The following PRSS12 variants were observed in gnomAD, a reference collection of about 807,000 sequenced individuals.
The protein encoded by PRSS12 is neurotrypsin.
A neutral mutation model predicts 104.4 loss-of-function variants in PRSS12; 85 were observed. The observed-to-expected ratio is 0.81, with a 90% CI of 0.68 to 0.98. The LOEUF is 0.98. PRSS12 is among the 50% of genes least tolerant of loss of function. PRSS12 has a pLI of 0.00. For missense variants in PRSS12, 1,141 were observed against 1,139.2 expected, an observed-to-expected ratio of 1.00 and a Z score of -0.02; for synonymous variants, 454 against 425.2, an observed-to-expected ratio of 1.07 and a Z score of -0.83.
intron 2 of PRSS12, among the ~76,000 whole-genome samples, chr4:118,336,661 T>C (rs1043487288): frequency 6.6e-6 from 1 of 152,218 alleles, no homozygotes; most frequent in Admixed American, 6.5e-5. Context: ...CATACTTTCA[T>C]CAATCAAAAG....
Position 118,293,595 on chromosome 4 carries a change from CAAAT to C in PRSS12, c.2039+1340_2039+1343del, listed in dbSNP as rs373454807. 7.2e-5 allele frequency among the ~76,000 whole-genome samples: 11 copies of C among 152,134 alleles called. No individual in the cohort carries two copies. In the East Asian group the frequency reaches 2.1e-3, roughly 29 times the overall value. ...ATTTAAAAAATCAATTACAAATAGA[CAAAT>C]AGCCCAATACAAAAACAGGCAAAGT... On this transcript the variant is annotated intron_variant, in intron 11 of 12. Transcript: ENST00000296498.
intron 1 of PRSS12, 108 bp downstream of exon 1, chr4:118,352,111 C>T: frequency 6.7e-7 from 1 of 1,493,840 alleles, no homozygotes; most frequent in Non-Finnish European, 9.0e-7. Context: ...CGCAAGCCCA[C>T]AACCCCACAC....
intron 5 of PRSS12, among the ~76,000 whole-genome samples, chr4:118,316,825 G>GAAAAAAAA (rs1553956358): frequency 1.9e-4 from 17 of 91,534 alleles, no homozygotes; most frequent in African/African-American, 5.9e-4. Flanking sequence ...CCGTCTCACG[G>GAAAAAAAA]AAAAAAAAAA....
chr4:118,330,765 G>A (rs2126040112), intron 4 of PRSS12, among the ~76,000 whole-genome samples: 1 of 152,190 alleles, frequency 6.6e-6, no homozygotes, highest in East Asian at 1.9e-4. Context: ...GCATGCTGAA[G>A]TGTTTATAGA....
chr4:118,286,191 C>G (rs563875869), intron 11 of PRSS12, among the ~76,000 whole-genome samples: 3 of 152,276 alleles, frequency 2.0e-5, no homozygotes, highest in Admixed American at 1.3e-4. Context: ...GATAATATAA[C>G]TCCTTCTGAG....
At chr4:118,283,876 T>C (rs1252558225) in intron 11 of PRSS12, among the ~76,000 whole-genome samples, 1 of 152,206 alleles carries the variant, frequency 6.6e-6, no homozygotes, top group South Asian at 2.1e-4. Context: ...AGAGATATCT[T>C]TGTTGTGTTC....
chr4:118,304,327 G>A (rs1171147151), intron 8 of PRSS12, among the ~76,000 whole-genome samples: 2 of 151,692 alleles, frequency 1.3e-5, no homozygotes, highest in African/African-American at 4.8e-5. Flanking sequence ...AGTATTTTTT[G>A]TTCATGTATT....
In PRSS12 at chr4:118,282,094, C is replaced by G; in HGVS notation, c.2470G>C (p.Asp824His). The change falls in exon 13 of 13, where the codon GAC becomes CAC. Residue 824 changes from aspartate to histidine, a missense_variant. Coordinates refer to ENST00000296498, the MANE Select transcript of PRSS12 (RefSeq NM_003619.4). The stretch of plus-strand genomic sequence containing the variant: ...TCACACATGAGTGGTCCTCCGCTGT[C>G]TCCCTGGCAGCTGTCCACGCGTTTG... ...EHKRVDSCQG[D>H]SGGPLMCERP... 1 of 1,614,228 alleles carries G rather than the reference C, an allele frequency of 6.2e-7. No homozygotes were observed. The highest frequency in any genetic ancestry group is 8.5e-7 in the Non-Finnish European group (1 of 1,180,048).
Position 118,295,012 on chromosome 4 carries a change from C to G in PRSS12, c.1966G>C (p.Asp656His). 6.2e-7 allele frequency: 1 copy of G among 1,614,144 alleles called. No homozygotes were observed. ...GTAGCCCCGCAGAGGAGCCTGCCAT[C>G]TCCATGGGATGACTTCAGCCGGAGG... ...VSLRLKSSHGDGRLLCGATLL... is the reference protein window; with the variant it reads ...VSLRLKSSHGHGRLLCGATLL... Residue 656 changes from aspartate (D) to histidine (H), a missense_variant, in exon 11 of 13, where the codon GAT becomes CAT. Transcript: ENST00000296498.
chr4:118,283,087 A>T lies in PRSS12; in HGVS notation c.2064T>A (p.Tyr688Ter). The change falls in exon 12 of 13, where the codon TAT (tyrosine) becomes TAA (stop). Residue 688 changes from tyrosine (Y) to a stop codon, truncating the protein, a stop_gained. Transcript: ENST00000296498. LOFTEE classifies it high-confidence loss of function. ...FKRYGNSTRS[Y>*]AVRVGDYHTL... ...TATGATAATCTCCAACCCTAACAGC[A>T]TAGCTCCTAGTGCTGTTGCCATACC... 1.2e-6 allele frequency: 2 copies of T among 1,614,194 alleles called. No individual in the cohort carries two copies. The highest frequency in any genetic ancestry group is 1.7e-6 in the Non-Finnish European group (2 of 1,180,032).
chr4:118,319,213 C>A (rs562923718), intron 4 of PRSS12, among the ~76,000 whole-genome samples: 2 of 152,092 alleles, frequency 1.3e-5, no homozygotes, highest in Admixed American at 6.6e-5. Flanking sequence ...GTATATGCCA[C>A]CACACCTGGC....
In PRSS12 at chr4:118,282,246, A is replaced by G. The variant is rs372202175; in HGVS notation, c.2321-3T>C. The G allele has an allele frequency of 1.9e-6, 3 of 1,614,080 alleles. No individual in the cohort carries two copies. The highest frequency in any genetic ancestry group is 1.1e-5 in the South Asian group (1 of 91,058). On this transcript the variant is annotated splice_polypyrimidine_tract_variant and splice_region_variant and intron_variant, in intron 12 of 12. Transcript: ENST00000296498. The stretch of plus-strand genomic sequence containing the variant: ...TAGTGTTCTTGAATAGGCTCGTCCT[A>G]CTCAGACCAAACATCTGATTAGTGG...
At chr4:118,346,010 T>C (rs1724345590) in intron 1 of PRSS12, among the ~76,000 whole-genome samples, 1 of 152,182 alleles carries the variant, frequency 6.6e-6, no homozygotes, top group South Asian at 2.1e-4. Flanking sequence ...TCTGGGCAAA[T>C]GAAATGTGGA....
rs200579669 is a variant in PRSS12 at position 118,345,628 on chromosome 4, A to G, written c.502+6591T>C. On this transcript the variant is annotated intron_variant, in intron 1 of 12. Coordinates refer to ENST00000296498, the MANE Select transcript of PRSS12 (RefSeq NM_003619.4). ...ATTCTCATCAATTATGGAATTATTC[A>G]TTTCAGATATAAATGCGTCATAATA... Among the ~76,000 whole-genome samples, 4 of 152,222 alleles carry G rather than the reference A, an allele frequency of 2.6e-5. No individual in the cohort carries two copies. In the East Asian group the frequency reaches 7.7e-4, roughly 29 times the overall value.
intron 6 of PRSS12, among the ~76,000 whole-genome samples, chr4:118,315,062 G>C (rs1168968758): frequency 2.0e-5 from 3 of 151,934 alleles, no homozygotes; most frequent in African/African-American, 7.2e-5. Context: ...CTCTGCCCAA[G>C]AAAAGACAAA....
intron 1 of PRSS12, among the ~76,000 whole-genome samples, chr4:118,351,677 G>T (rs1724509209): frequency 6.6e-6 from 1 of 151,918 alleles, no homozygotes; most frequent in African/African-American, 2.4e-5. Context: ...GGCTGATTTT[G>T]GCCACATAAT....
intron 3 of PRSS12, 119 bp downstream of exon 3, chr4:118,335,354 A>T: frequency 8.3e-7 from 1 of 1,198,872 alleles, no homozygotes; most frequent in Non-Finnish European, 1.2e-6. Context: ...TTTGACTCAG[A>T]CTTATTTCTG....
intron 1 of PRSS12, among the ~76,000 whole-genome samples, chr4:118,347,939 C>A (rs1724398749): frequency 1.3e-5 from 2 of 152,150 alleles, no homozygotes; most frequent in Non-Finnish European, 2.9e-5. Flanking sequence ...CAATTAATAA[C>A]CATATTCTGG....
intron 8 of PRSS12, chr4:118,303,152 G>T (rs771739123): frequency 2.0e-4 from 30 of 151,646 alleles, no homozygotes; most frequent in Non-Finnish European, 4.3e-4. Context: ...AAAATTTAAA[G>T]AGAACTTCCA....
Sources: gnomAD v4.1 joint callset for allele counts (sites outside exome capture counted in the v4.1 genomes callset) on GRCh38, gnomAD v4.1.1 for gene constraint, MANE v1.5 for transcripts, NCBI Gene and HGNC (gene_info 2026-07-23, HGNC 2026-07-21) for gene names.